Variants in NXN observed in about 807,000 individuals in gnomAD.
NXN encodes the protein nucleoredoxin.
In NXN, 16 loss-of-function variants were observed where a neutral mutation model predicts 48.6. That is an observed-to-expected ratio of 0.33 (90% CI 0.22 to 0.50). The LOEUF (loss-of-function observed/expected upper bound fraction) is 0.50. Ranked by LOEUF, NXN falls within the 20% of genes least tolerant of loss-of-function variation. The probability of loss-of-function intolerance (pLI) is 0.98; values close to 1 mark genes in which losing one functional copy is unlikely to be tolerated. For missense variants in NXN, 492 were observed against 605.5 expected, an observed-to-expected ratio of 0.81 and a Z score of 1.97; for synonymous variants, 281 against 269.6, an observed-to-expected ratio of 1.04 and a Z score of -0.41.
In NXN at chr17:846,425, AAAAAAAG is replaced by A. The variant is rs1018921582; in HGVS notation, c.361-20354_361-20348del. Among the ~76,000 whole-genome samples, 21 of 149,770 alleles carry A rather than the reference AAAAAAAG, an allele frequency of 1.4e-4. No homozygotes were observed. In the East Asian group the frequency reaches 2.1e-3, roughly 15 times the overall value. On this transcript the variant is annotated intron_variant, in intron 1 of 7. Transcript: ENST00000336868. The stretch of plus-strand genomic sequence containing the variant: ...AGAGAAATTGTCTCAAAAAAAAAAA[AAAAAAAG>A]AAAAGAAAAAAGAAAAAAAATTTTA...
At chr17:926,368 A>G (rs950995585) in intron 1 of NXN, among the ~76,000 whole-genome samples, 1 of 151,710 alleles carries the variant, frequency 6.6e-6, no homozygotes, top group Non-Finnish European at 1.5e-5. Flanking sequence ...TTTATTTTTT[A>G]TAAAGACAGG....
chr17:891,624 G>A (rs1025854597), intron 1 of NXN, among the ~76,000 whole-genome samples: 15 of 152,204 alleles, frequency 9.9e-5, no homozygotes, highest in African/African-American at 3.6e-4. Context: ...CTCAACCCAA[G>A]ACTTGTGCTT....
intron 1 of NXN, among the ~76,000 whole-genome samples, chr17:841,663 C>CCCCCCGACCACGGCGCATCTCACACG (rs1914313979): frequency 1.4e-4 from 9 of 62,864 alleles, no homozygotes; most frequent in African/African-American, 4.5e-4. Context: ...CATCTCACGC[C>CCCCCCGACCACGGCGCATCTCACACG]GGCGAGCAGG....
intron 1 of NXN, chr17:910,595 A>T (rs2068626955): frequency 6.6e-6 from 1 of 152,120 alleles, no homozygotes; most frequent in Non-Finnish European, 1.5e-5. Context: ...AAATGCTCAG[A>T]ACTGATGATG....
intron 1 of NXN, chr17:896,979 G>C (rs1306679399): frequency 8.5e-7 from 1 of 1,175,862 alleles, no homozygotes; most frequent in Non-Finnish European, 1.1e-6. Context: ...GCCTCTCCTA[G>C]GAAAGTCCCC....
At chr17:813,686 C>T (rs975351191) in intron 5 of NXN, among the ~76,000 whole-genome samples, 3 of 152,050 alleles carry the variant, frequency 2.0e-5, no homozygotes, top group Non-Finnish European at 2.9e-5. Flanking sequence ...AGACTACGGC[C>T]GGCCGGGCGC....
intron 1 of NXN, among the ~76,000 whole-genome samples, chr17:940,130 A>G (rs34735928): frequency 0.17 from 26,194 of 149,968 alleles, 2,658 homozygotes; most frequent in Admixed American, 0.27. Context: ...GTAGAGATCG[A>G]GGTGGGGGGG....
intron 1 of NXN, among the ~76,000 whole-genome samples, chr17:963,882 C>T (rs1159834724): frequency 1.3e-5 from 2 of 151,180 alleles, no homozygotes; most frequent in Non-Finnish European, 2.9e-5. Context: ...TCGAGACCAT[C>T]GTGGCTAACG....
intron 1 of NXN, among the ~76,000 whole-genome samples, chr17:833,275 G>A (rs534110962): frequency 3.9e-5 from 6 of 152,200 alleles, no homozygotes; most frequent in Admixed American, 2.0e-4. Flanking sequence ...CTGCATCTGT[G>A]GGCGCCTCAG....
chr17:888,962 C>CAAA (rs71145786), intron 1 of NXN, among the ~76,000 whole-genome samples: 11 of 101,414 alleles, frequency 1.1e-4, no homozygotes, highest in African/African-American at 2.3e-4. Flanking sequence ...AACTCCATCT[C>CAAA]AAAAAAAAAA....
chr17:960,243 A>G (rs1597278888), intron 1 of NXN, among the ~76,000 whole-genome samples: 1 of 152,242 alleles, frequency 6.6e-6, no homozygotes, highest in Admixed American at 6.5e-5. Flanking sequence ...ATACAGTGCC[A>G]TCTATAATCA....
intron 1 of NXN, among the ~76,000 whole-genome samples, chr17:833,539 C>A (rs1311583901): frequency 2.0e-5 from 3 of 152,170 alleles, no homozygotes; most frequent in African/African-American, 7.2e-5. Flanking sequence ...CAAAATGCCT[C>A]TGAAAACAGC....
chr17:862,289 G>A (rs1161633876), intron 1 of NXN, among the ~76,000 whole-genome samples: 1 of 152,228 alleles, frequency 6.6e-6, no homozygotes, highest in Non-Finnish European at 1.5e-5. Context: ...GCCAGGGTGG[G>A]AGGCTCCCTT....
At chr17:826,682 A>AG (rs1301479704) in intron 1 of NXN, among the ~76,000 whole-genome samples, 8 of 151,640 alleles carry the variant, frequency 5.3e-5, no homozygotes, top group Admixed American at 4.6e-4. Context: ...GCCCTTCACC[A>AG]GGTCCCTCAG....
intron 1 of NXN, among the ~76,000 whole-genome samples, chr17:851,658 T>C: frequency 6.6e-6 from 1 of 152,230 alleles, no homozygotes; most frequent in Non-Finnish European, 1.5e-5. Flanking sequence ...ACATGTATCA[T>C]TTACAATTTG....
chr17:979,284 G>GGCGGGCAGGGGTAACGGGCGTGGGGA, intron 1 of NXN, 35 bp downstream of exon 1: 1 of 1,412,242 alleles, frequency 7.1e-7, no homozygotes, highest in South Asian at 1.3e-5. Flanking sequence ...GGGCGTGGGG[G>GGCGGGCAGGGGTAACGGGCGTGGGGA]GCGGGCAGGG....
intron 1 of NXN, among the ~76,000 whole-genome samples, chr17:918,515 G>A (rs1423589648): frequency 6.6e-6 from 1 of 152,134 alleles, no homozygotes; most frequent in East Asian, 1.9e-4. Flanking sequence ...TTTGGTTGAG[G>A]CCGGGCGCAG....
intron 5 of NXN, among the ~76,000 whole-genome samples, chr17:809,846 C>CGAGCGGCAGACACCTTACGAGCCAGTGT (rs1911810490): frequency 1.1e-5 from 1 of 89,098 alleles, no homozygotes; most frequent in Non-Finnish European, 2.6e-5. Flanking sequence ...CGAGCCAGTG[C>CGAGCGGCAGACACCTTACGAGCCAGTGT]GAGCGGCGGG....
intron 5 of NXN, among the ~76,000 whole-genome samples, chr17:813,290 A>T (rs1276584690): frequency 6.6e-6 from 1 of 152,248 alleles, no homozygotes; most frequent in Non-Finnish European, 1.5e-5. Context: ...GGGATGGTGC[A>T]GTCTAGGGAG....
Sources: gnomAD v4.1 joint callset for allele counts (sites outside exome capture counted in the v4.1 genomes callset) on GRCh38, gnomAD v4.1.1 for gene constraint, MANE v1.5 for transcripts, NCBI Gene and HGNC (gene_info 2026-07-23, HGNC 2026-07-21) for gene names.